Variants in KCND3 observed in about 807,000 individuals in gnomAD.
The protein encoded by KCND3 is A-type voltage-gated potassium channel KCND3.
A neutral mutation model predicts 51.1 loss-of-function variants in KCND3; 9 were observed. The ratio of observed to expected loss-of-function variants is 0.18; its 90% CI spans 0.11 to 0.31. KCND3 has a LOEUF of 0.31. Ranked by LOEUF, KCND3 falls within the 10% of genes least tolerant of loss-of-function variation. KCND3 has a pLI of 1.00. For missense variants in KCND3, 526 were observed against 903.8 expected (o/e 0.58, Z 5.36); for synonymous variants, 349 against 368.0 (o/e 0.95, Z 0.59).
chr1:111,849,676 C>A (rs1382457187), intron 2 of KCND3, among the ~76,000 whole-genome samples: 2 of 152,206 alleles, frequency 1.3e-5, no homozygotes, highest in Non-Finnish European at 2.9e-5. Flanking sequence ...ATCTGCATGG[C>A]TATATCTGTC....
At chr1:111,803,109 C>T (rs1665394464) in intron 2 of KCND3, among the ~76,000 whole-genome samples, 1 of 152,198 alleles carries the variant, frequency 6.6e-6, no homozygotes, top group South Asian at 2.1e-4. Flanking sequence ...ATCTTTAAGT[C>T]TCTGGTTCTT....
intron 2 of KCND3, among the ~76,000 whole-genome samples, chr1:111,940,660 C>A (rs1672472027): frequency 6.6e-6 from 1 of 152,186 alleles, no homozygotes; most frequent in Admixed American, 6.5e-5. Flanking sequence ...TGTCTCAACG[C>A]AGTTTTGAAT....
At chr1:111,887,164 C>T (rs947122173) in intron 2 of KCND3, among the ~76,000 whole-genome samples, 11 of 152,142 alleles carry the variant, frequency 7.2e-5, no homozygotes, top group South Asian at 2.1e-4. Flanking sequence ...CGAGGAGAAA[C>T]GCTGCCCCAG....
chr1:111,856,878 AG>A (rs2101679717), intron 2 of KCND3: 1 of 152,342 alleles, frequency 6.6e-6, no homozygotes, highest in African/African-American at 2.4e-5. Flanking sequence ...GAAGAGGGGG[AG>A]GGCCTCTTCT....
chr1:111,895,610 A>C (rs1409384388), intron 2 of KCND3, among the ~76,000 whole-genome samples: 4 of 152,208 alleles, frequency 2.6e-5, no homozygotes. Context: ...CATGTTCCCT[A>C]GATCAGTCAC....
chr1:111,799,776 T>A (rs550192324), intron 2 of KCND3, among the ~76,000 whole-genome samples: 1 of 152,076 alleles, frequency 6.6e-6, no homozygotes, highest in Admixed American at 6.5e-5. Flanking sequence ...ATACAGAGAG[T>A]GTGAGCAGAC....
chr1:111,982,601 A>C lies in KCND3; in HGVS notation c.126T>G (p.Ile42Met). 6.2e-7 allele frequency: 1 copy of C among 1,613,848 alleles called. No individual in the cohort carries two copies. The highest frequency in any genetic ancestry group is 1.1e-5 in the South Asian group (1 of 91,042). Reference sequence around the variant, plus strand: ...ACCTCCGCCCACTCACGTTGAGGACAATCAGCTCATCCTGCCGCTTGTTCT... The same window carrying C: ...ACCTCCGCCCACTCACGTTGAGGACCATCAGCTCATCCTGCCGCTTGTTCT... ...ADKNKRQDELIVLNVSGRRFQ... is the reference protein window; with the variant it reads ...ADKNKRQDELMVLNVSGRRFQ... Residue 42 changes from isoleucine to methionine, a missense_variant, in exon 2 of 8, where the codon ATT becomes ATG. Coordinates refer to ENST00000302127, the MANE Select transcript of KCND3 (RefSeq NM_001378969.1). This position sits in a 1 kb window ranked among gnomAD's most constrained non-coding sequence, Gnocchi z 8.5.
chr1:111,858,527 C>G (rs1441038195), intron 2 of KCND3, among the ~76,000 whole-genome samples: 1 of 152,042 alleles, frequency 6.6e-6, no homozygotes, highest in African/African-American at 2.4e-5. Flanking sequence ...AAATATAATC[C>G]AGACTAAATT....
At chr1:111,797,157 G>T (rs1665090197) in intron 2 of KCND3, among the ~76,000 whole-genome samples, 1 of 152,212 alleles carries the variant, frequency 6.6e-6, no homozygotes, top group African/African-American at 2.4e-5. Context: ...GTGAGAATCT[G>T]CATTCTAAGT....
At chr1:111,931,431 T>G (rs1671964588) in intron 2 of KCND3, among the ~76,000 whole-genome samples, 1 of 152,030 alleles carries the variant, frequency 6.6e-6, no homozygotes, top group Non-Finnish European at 1.5e-5. Flanking sequence ...GAGTTCCCCC[T>G]GAGAGCAGAC....
chr1:111,897,904 C>G (rs1223019132), intron 2 of KCND3, among the ~76,000 whole-genome samples: 1 of 152,182 alleles, frequency 6.6e-6, no homozygotes, highest in African/African-American at 2.4e-5. Flanking sequence ...CCAAATATGC[C>G]TTAGGCCACC....
At chr1:111,889,869 G>T (rs1018730011) in intron 2 of KCND3, among the ~76,000 whole-genome samples, 2 of 152,172 alleles carry the variant, frequency 1.3e-5, no homozygotes, top group Non-Finnish European at 2.9e-5. Flanking sequence ...TCCTTCAGGG[G>T]TGACATCTGA....
intron 2 of KCND3, among the ~76,000 whole-genome samples, chr1:111,936,138 G>T (rs954551522): frequency 6.6e-6 from 1 of 152,174 alleles, no homozygotes; most frequent in Non-Finnish European, 1.5e-5. Flanking sequence ...CAATAATACT[G>T]CTTGTATTTC....
At chr1:111,783,511 C>T (rs1469534406) in intron 3 of KCND3, among the ~76,000 whole-genome samples, 1 of 152,208 alleles carries the variant, frequency 6.6e-6, no homozygotes, top group African/African-American at 2.4e-5. Flanking sequence ...TCTATCAATC[C>T]TTGGGAGGCC....
chr1:111,879,819 AC>A (rs1669221158), intron 2 of KCND3, among the ~76,000 whole-genome samples: 1 of 152,186 alleles, frequency 6.6e-6, no homozygotes, highest in Non-Finnish European at 1.5e-5. Context: ...TGTAATGCAG[AC>A]TTGAGTAGGT....
chr1:111,960,056 C>T (rs1013805220), intron 2 of KCND3, among the ~76,000 whole-genome samples: 3 of 151,824 alleles, frequency 2.0e-5, no homozygotes, highest in South Asian at 2.1e-4. Context: ...AAAAAAAAAG[C>T]GTTTGCTTCC....
intron 2 of KCND3, among the ~76,000 whole-genome samples, chr1:111,789,310 C>A (rs1055815829): frequency 3.3e-5 from 5 of 152,214 alleles, no homozygotes; most frequent in Non-Finnish European, 5.9e-5. Flanking sequence ...CACTCCCAGG[C>A]GTCCTCTGCC....
chr1:111,775,826 CACCCT>C lies in KCND3; in HGVS notation c.*246_*250del. ...TCCCCCGGCCTATCCCCGACCCCCC[CACCCT>C]CCCTCCCTTCCTCTGGCCCCAGTGA... On this transcript the variant is annotated 3_prime_UTR_variant, in exon 8 of 8. Coordinates refer to ENST00000302127, the MANE Select transcript of KCND3 (RefSeq NM_001378969.1). 1 of 146,686 alleles carries C rather than the reference CACCCT, an allele frequency of 6.8e-6. No homozygotes were observed. Among genetic ancestry groups the C allele is most frequent in the South Asian group, 2.2e-4 (1 of 4,550 alleles). 9.1% of individuals were successfully genotyped at this position (146,686 alleles called of 1,614,324 possible).
At chr1:111,869,303 C>G (rs1668731903) in intron 2 of KCND3, among the ~76,000 whole-genome samples, 1 of 152,208 alleles carries the variant, frequency 6.6e-6, no homozygotes, top group South Asian at 2.1e-4. Context: ...AGAGGCTCCT[C>G]CTGCCACCTC....
Sources: gnomAD v4.1 joint callset for allele counts (sites outside exome capture counted in the v4.1 genomes callset) on GRCh38, gnomAD v4.1.1 for gene constraint, Gnocchi (gnomAD v3.1) non-coding constraint, MANE v1.5 for transcripts, NCBI Gene and HGNC (gene_info 2026-07-23, HGNC 2026-07-21) for gene names.